Variants in FHIT observed in about 807,000 individuals in gnomAD.
FHIT encodes bis(5'-adenosyl)-triphosphatase.
Under a neutral mutation model 17.9 loss-of-function variants are expected in FHIT, and 19 were observed. The ratio of observed to expected loss-of-function variants is 1.06; its 90% CI spans 0.74 to 1.56. The LOEUF (loss-of-function observed/expected upper bound fraction) is 1.56. Ranked by LOEUF, FHIT falls within the 40% of genes most tolerant of loss-of-function variation. FHIT has a pLI of 0.00. For missense variants in FHIT, 248 were observed against 189.2 expected (o/e 1.31, Z -1.82); for synonymous variants, 81 against 69.7 (o/e 1.16, Z -0.81).
At chr3:60,743,383 T>G (rs1553714405) in intron 4 of FHIT, among the ~76,000 whole-genome samples, 1 of 152,194 alleles carries the variant, frequency 6.6e-6, no homozygotes, top group Non-Finnish European at 1.5e-5. Flanking sequence ...GTTGAACTGC[T>G]ATTATGCAGC....
chr3:60,094,800 G>GGGGAGAGAGAGAGAGAGAAGAA (rs1467233980), intron 5 of FHIT, among the ~76,000 whole-genome samples: 31 of 116,788 alleles, frequency 2.7e-4, no homozygotes, highest in Non-Finnish European at 5.3e-4. Context: ...ACAAGGGGTG[G>GGGGAGAGAGAGAGAGAGAAGAA]GGGAGAGAGA....
chr3:61,052,102 T>G (rs2034048777), intron 2 of FHIT, among the ~76,000 whole-genome samples: 1 of 152,176 alleles, frequency 6.6e-6, no homozygotes, highest in Admixed American at 6.5e-5. Context: ...TTTCCCAATA[T>G]CCCTCAGAGA....
chr3:59,804,065 T>G (rs1178860346), intron 8 of FHIT, among the ~76,000 whole-genome samples: 2 of 152,222 alleles, frequency 1.3e-5, no homozygotes, highest in African/African-American at 2.4e-5. Context: ...ATGTGCATAT[T>G]CATCATTGAT....
chr3:60,981,881 C>A (rs889429220), intron 3 of FHIT, among the ~76,000 whole-genome samples: 3 of 152,132 alleles, frequency 2.0e-5, no homozygotes, highest in Non-Finnish European at 4.4e-5. Flanking sequence ...GGGATGAAAG[C>A]CATTGTGCTC....
chr3:59,948,662 G>A (rs1239859170), intron 7 of FHIT, among the ~76,000 whole-genome samples: 2 of 152,040 alleles, frequency 1.3e-5, no homozygotes, highest in African/African-American at 4.8e-5. Context: ...TTTAAAAATT[G>A]TCCTAATGTA....
At chr3:60,561,458 A>AT (rs2036942903) in intron 4 of FHIT, among the ~76,000 whole-genome samples, 1 of 151,360 alleles carries the variant, frequency 6.6e-6, no homozygotes, top group African/African-American at 2.4e-5. Flanking sequence ...TGTTTGAGCC[A>AT]TTTTTTTCCC....
At chr3:59,985,055 T>C (rs1013833580) in intron 7 of FHIT, among the ~76,000 whole-genome samples, 1 of 152,086 alleles carries the variant, frequency 6.6e-6, no homozygotes, top group Non-Finnish European at 1.5e-5. Flanking sequence ...AGTTACATTT[T>C]GTTTAGGAAA....
intron 5 of FHIT, among the ~76,000 whole-genome samples, chr3:60,433,345 G>C (rs1303253340): frequency 6.6e-6 from 1 of 151,954 alleles, no homozygotes; most frequent in Admixed American, 6.6e-5. Flanking sequence ...GGTTGTTTAT[G>C]TATTTTAACT....
At chr3:60,424,688 T>G (rs992055114) in intron 5 of FHIT, among the ~76,000 whole-genome samples, 2 of 151,936 alleles carry the variant, frequency 1.3e-5, no homozygotes, top group Admixed American at 1.3e-4. Context: ...AGCTGAAGAG[T>G]CAGCAGGGGA....
chr3:59,778,954 C>G (rs1702451963), intron 8 of FHIT, among the ~76,000 whole-genome samples: 1 of 152,168 alleles, frequency 6.6e-6, no homozygotes, highest in Non-Finnish European at 1.5e-5. Flanking sequence ...TTTGAATATA[C>G]TTAACCTGAC....
At chr3:60,999,376 C>A (rs985404464) in intron 3 of FHIT, among the ~76,000 whole-genome samples, 1 of 151,652 alleles carries the variant, frequency 6.6e-6, no homozygotes, top group Non-Finnish European at 1.5e-5. Flanking sequence ...GGATTCCAAG[C>A]TACAGTTCTT....
intron 5 of FHIT, among the ~76,000 whole-genome samples, chr3:60,024,622 G>A (rs1700670053): frequency 2.0e-5 from 3 of 152,292 alleles, no homozygotes; most frequent in East Asian, 3.9e-4. Context: ...AATCTAGAGG[G>A]TGAGCAGACA....
At chr3:61,088,988 G>A (rs554247011) in intron 2 of FHIT, among the ~76,000 whole-genome samples, 23 of 152,204 alleles carry the variant, frequency 1.5e-4, no homozygotes, top group Non-Finnish European at 5.9e-5. Flanking sequence ...TTAGGATGGA[G>A]GTAGAAATGA....
chr3:60,731,616 C>T (rs570429865), intron 4 of FHIT, among the ~76,000 whole-genome samples: 47 of 152,256 alleles, frequency 3.1e-4, no homozygotes, highest in Non-Finnish European at 5.9e-4. Context: ...ACCTATCAAG[C>T]GTCCCTATAA....
At chr3:60,733,159 T>C (rs2042067658) in intron 4 of FHIT, among the ~76,000 whole-genome samples, 1 of 152,190 alleles carries the variant, frequency 6.6e-6, no homozygotes, top group Admixed American at 6.5e-5. Flanking sequence ...ACTTCAGTGT[T>C]GGGAGACTGC....
chr3:59,875,417 C>G (rs1703107683), intron 8 of FHIT, among the ~76,000 whole-genome samples: 1 of 152,224 alleles, frequency 6.6e-6, no homozygotes. Context: ...GTGGGCGAAG[C>G]CATCCTGCCT....
chr3:59,768,414 A>G (rs568117422), intron 8 of FHIT, among the ~76,000 whole-genome samples: 14 of 152,162 alleles, frequency 9.2e-5, no homozygotes, highest in Non-Finnish European at 2.1e-4. Flanking sequence ...GTATCTCACT[A>G]CCAGCCCTTT....
chr3:60,908,955 A>T (rs187968151), intron 3 of FHIT, among the ~76,000 whole-genome samples: 1 of 152,258 alleles, frequency 6.6e-6, no homozygotes, highest in Non-Finnish European at 1.5e-5. Flanking sequence ...TGTTCCAAAT[A>T]TTCTCATTTT....
rs918219155 is a variant in FHIT, at chr3:60,066,294, G to A, written c.104-52142C>T. 1.7e-4 allele frequency among the ~76,000 whole-genome samples: 26 copies of A among 152,088 alleles called. 1 individual carries two copies. The highest frequency in any genetic ancestry group is 4.1e-4 in the African/African-American group (17 of 41,402). ...GTTCTCATTTTTATCTTGATACTCC[G>A]AATGAATTTCCCAACGATATCTAAG... On this transcript the variant is annotated intron_variant, in intron 5 of 9. Coordinates refer to ENST00000492590, the MANE Select transcript of FHIT (RefSeq NM_002012.4).
Sources: gnomAD v4.1 joint callset for allele counts (sites outside exome capture counted in the v4.1 genomes callset) on GRCh38, gnomAD v4.1.1 for gene constraint, MANE v1.5 for transcripts, NCBI Gene and HGNC (gene_info 2026-07-23, HGNC 2026-07-21) for gene names.